CENPC: variants seen among roughly 807,000 people sequenced by gnomAD.
The protein encoded by CENPC is CENP-C 1.
CENPC carries 63 observed loss-of-function variants against 112.1 expected under a neutral mutation model. The observed-to-expected ratio is 0.56, with a 90% CI of 0.46 to 0.69. The LOEUF is 0.69. Ranked by LOEUF, CENPC falls within the 30% of genes least tolerant of loss-of-function variation. The pLI, the probability that CENPC is intolerant of heterozygous loss-of-function variation, is 0.00. For synonymous variants in CENPC, 333 were observed against 367.6 expected, an observed-to-expected ratio of 0.91 and a Z score of 1.08; for missense variants, 1,000 against 1,103.8, an observed-to-expected ratio of 0.91 and a Z score of 1.33.
chr4:67,531,590 A>C (rs1019607366), intron 4 of CENPC, among the ~76,000 whole-genome samples: 1 of 152,198 alleles, frequency 6.6e-6, no homozygotes, highest in Non-Finnish European at 1.5e-5. Context: ...GGGAGTGCGT[A>C]AAATTTTGGT....
intron 4 of CENPC, among the ~76,000 whole-genome samples, chr4:67,536,028 AAG>A (rs1726708748): frequency 6.6e-6 from 1 of 152,190 alleles, no homozygotes; most frequent in South Asian, 2.1e-4. Context: ...CCAACAAATT[AAG>A]AAGAAAAGTA....
intron 6 of CENPC, 41 bp from the exon 7 acceptor site, chr4:67,518,409 C>G: frequency 1.4e-6 from 2 of 1,467,376 alleles, no homozygotes; most frequent in Non-Finnish European, 1.8e-6. Flanking sequence ...GCTCCCGTAA[C>G]GTTTCTTGAG....
In CENPC at chr4:67,474,970, A is replaced by T; in HGVS notation, c.2679T>A (p.Tyr893Ter). 1 of 1,508,226 alleles carries T rather than the reference A, an allele frequency of 6.6e-7. No homozygotes were observed. Among genetic ancestry groups the T allele is most frequent in the Non-Finnish European group, 9.0e-7 (1 of 1,112,968 alleles). The allele number at this position is 1,508,226 out of a possible 1,614,324, so 93.4% of individuals were successfully genotyped here. A position where few individuals can be genotyped will look rare whatever the true frequency, so the allele number is the denominator to read the frequency against. The part of the protein sequence containing the change: ...QHVGQDILVF[Y>*]VNFGDLLCTL... ...TACACAAAAGGTCACCAAAGTTAAC[A>T]TAAAAAACCTGTAAAAATAAAAATA... is the stretch of plus-strand genomic sequence containing the variant. Residue 893 changes from tyrosine to a stop codon, truncating the protein, a stop_gained, in exon 18 of 19, where the codon TAT (tyrosine) becomes TAA (stop). Transcript: ENST00000273853. LOFTEE classifies it high-confidence loss of function.
In CENPC at chr4:67,473,573, G is replaced by A. The variant is rs117489242; in HGVS notation, c.2762-898C>T. ...CACTTTGTTTTGTTTTTGTTTTTGA[G>A]ACAGAGTCTTGCTCTGTCACCCAGG... On this transcript the variant is annotated intron_variant, in intron 18 of 18. Coordinates refer to ENST00000273853, the MANE Select transcript of CENPC (RefSeq NM_001812.4). 1.4e-3 allele frequency among the ~76,000 whole-genome samples: 214 copies of A among 151,912 alleles called. 2 individuals are homozygous for A. In the East Asian group the frequency reaches 0.039, roughly 28 times the overall value.
intron 4 of CENPC, among the ~76,000 whole-genome samples, chr4:67,535,336 C>T (rs1413457051): frequency 1.3e-5 from 2 of 151,274 alleles, no homozygotes; most frequent in Admixed American, 1.3e-4. Context: ...GATTTCAGAT[C>T]CAAGAAATAA....
At chr4:67,511,416 T>C (rs1165979094) in intron 9 of CENPC, among the ~76,000 whole-genome samples, 1 of 152,156 alleles carries the variant, frequency 6.6e-6, no homozygotes, top group Non-Finnish European at 1.5e-5. Context: ...ACCAATCTTT[T>C]CAGGATCACT....
intron 9 of CENPC, chr4:67,511,054 C>T: frequency 2.2e-6 from 1 of 456,124 alleles, no homozygotes; most frequent in Admixed American, 2.4e-5. Flanking sequence ...TTCCCCAAAG[C>T]AGTAACAGTA....
chr4:67,530,744 A>C (rs1726523374), intron 5 of CENPC, 71 bp downstream of exon 5: 1 of 683,746 alleles, frequency 1.5e-6, no homozygotes, highest in South Asian at 2.1e-5. Flanking sequence ...TCAAAGCAAC[A>C]CATGCACCAT....
intron 10 of CENPC, among the ~76,000 whole-genome samples, chr4:67,507,365 A>T (rs749583406): frequency 2.6e-5 from 4 of 152,194 alleles, no homozygotes; most frequent in Non-Finnish European, 5.9e-5. Flanking sequence ...AGTTTACTCC[A>T]AATATATGCA....
At chr4:67,518,419 G>A in intron 6 of CENPC, 51 bp from the exon 7 acceptor site, 2 of 1,446,912 alleles carry the variant, frequency 1.4e-6, no homozygotes, top group Non-Finnish European at 1.8e-6. Context: ...CGTTTCTTGA[G>A]TTATAAGTCT....
In CENPC at chr4:67,505,298, G is replaced by A; in HGVS notation, c.2052-14C>T. 2.1e-6 allele frequency: 3 copies of A among 1,446,166 alleles called. No homozygotes were observed. Among genetic ancestry groups the A allele is most frequent in the South Asian group, 1.3e-5 (1 of 75,990 alleles). The allele number at this position is 1,446,166 out of a possible 1,614,324, so 89.6% of individuals were successfully genotyped here. A position where few individuals can be genotyped will look rare whatever the true frequency, so the allele number is the denominator to read the frequency against. ...CTGGAAGGTCCACTTAAGAAAAAAA[G>A]GAAACCACAAAATTAATGCTTTTAT... On this transcript the variant is annotated splice_polypyrimidine_tract_variant and intron_variant, in intron 11 of 18. Transcript: ENST00000273853.
intron 5 of CENPC, among the ~76,000 whole-genome samples, chr4:67,526,083 G>GC (rs1446682519): frequency 6.6e-6 from 1 of 152,142 alleles, no homozygotes; most frequent in Non-Finnish European, 1.5e-5. Flanking sequence ...ACCAAACACT[G>GC]CATGTTCTCA....
At chr4:67,512,609 TAA>T (rs1725927922) in intron 8 of CENPC, 40 bp from the exon 9 acceptor site, 3 of 1,374,478 alleles carry the variant, frequency 2.2e-6, no homozygotes, top group East Asian at 2.7e-5. Context: ...CACAATCTAC[TAA>T]AAGAGTTTTC....
chr4:67,503,831 T>C (rs4860850), intron 12 of CENPC, among the ~76,000 whole-genome samples: 95,990 of 151,678 alleles, frequency 0.63, 30,625 homozygotes, highest in East Asian at 0.81. Context: ...TAAAATAGAC[T>C]AAGTTTTCTA....
chr4:67,539,306 T>C (rs1237979988), intron 4 of CENPC, among the ~76,000 whole-genome samples: 2 of 152,250 alleles, frequency 1.3e-5, no homozygotes, highest in Non-Finnish European at 2.9e-5. Flanking sequence ...CTAGTAAGTG[T>C]TACTTCTAGC....
In CENPC at chr4:67,507,002, C is replaced by T. The variant is rs1160700186; in HGVS notation, c.1905-68G>A. 7 of 1,170,128 alleles carry T rather than the reference C, an allele frequency of 6.0e-6. No homozygotes were observed. In the East Asian group the frequency reaches 1.2e-4, roughly 20 times the overall value. 72.5% of individuals were successfully genotyped at this position (1,170,128 alleles called of 1,614,324 possible). A position where few individuals can be genotyped will look rare whatever the true frequency, so the allele number is the denominator to read the frequency against. ...ATAAAATTTTCTTCCAGAAACGATA[C>T]ACAGGTGGGTACAAAGACAATGTAA... On this transcript the variant is annotated intron_variant, in intron 10 of 18. Transcript: ENST00000273853.
In CENPC at chr4:67,472,405, C is replaced by T. The variant is rs1267276355; in HGVS notation, c.*200G>A. The T allele has an allele frequency of 3.7e-6, 2 of 536,636 alleles. No individual in the cohort carries two copies. The highest frequency in any genetic ancestry group is 2.7e-6 in the Non-Finnish European group (1 of 364,500). 33.2% of individuals were successfully genotyped at this position (536,636 alleles called of 1,614,324 possible). On this transcript the variant is annotated 3_prime_UTR_variant, in exon 19 of 19. Transcript: ENST00000273853. ...AATATCATAAATATGGACATCGCTA[C>T]AAGCTATTATGTACAGTCACTGAAA...
chr4:67,491,470 TATATATATATAGAG>T (rs1179138011), intron 16 of CENPC, among the ~76,000 whole-genome samples: 140 of 47,402 alleles, frequency 3.0e-3, no homozygotes, highest in Non-Finnish European at 3.9e-3. Flanking sequence ...TATATATATA[TATATATATATAGAG>T]AGAGAGAGAG....
chr4:67,541,524 T>C (rs1442974744), intron 2 of CENPC, among the ~76,000 whole-genome samples: 1 of 152,218 alleles, frequency 6.6e-6, no homozygotes. Flanking sequence ...AGCTTGTAGA[T>C]TCACAGCCAG....
Sources: allele counts gnomAD v4.1 joint callset (sites outside exome capture counted in the v4.1 genomes callset), GRCh38; gene constraint gnomAD v4.1.1; transcripts MANE v1.5; gene names NCBI Gene and HGNC (gene_info 2026-07-23, HGNC 2026-07-21).